Variants in PRPSAP2 observed in about 807,000 individuals in gnomAD.
PRPSAP2 encodes the protein phosphoribosyl pyrophosphate synthase-associated protein 2.
Under a neutral mutation model 40.6 loss-of-function variants are expected in PRPSAP2, and 24 were observed. That is an observed-to-expected ratio of 0.59 (90% CI 0.43 to 0.83). The LOEUF is 0.83. PRPSAP2 is among the 40% of genes least tolerant of loss of function. PRPSAP2 has a pLI of 0.00. For synonymous variants in PRPSAP2, 149 were observed against 164.7 expected, an observed-to-expected ratio of 0.90 and a Z score of 0.73; for missense variants, 292 against 465.6, an observed-to-expected ratio of 0.63 and a Z score of 3.43.
At chr17:18,873,585 G>A (rs751025930) in intron 5 of PRPSAP2, among the ~76,000 whole-genome samples, 7 of 152,152 alleles carry the variant, frequency 4.6e-5, no homozygotes, top group Non-Finnish European at 7.3e-5. Flanking sequence ...AAACTTGCAA[G>A]GAAGCATTTC....
At chr17:18,925,658 G>GA (rs1319178597) in intron 10 of PRPSAP2, among the ~76,000 whole-genome samples, 1 of 152,198 alleles carries the variant, frequency 6.6e-6, no homozygotes, top group African/African-American at 2.4e-5. Flanking sequence ...AGGTGCCTGG[G>GA]AGTGGGGTTG....
At chr17:18,885,193 G>C (rs2151914062) in intron 7 of PRPSAP2, among the ~76,000 whole-genome samples, 1 of 152,050 alleles carries the variant, frequency 6.6e-6, no homozygotes, top group East Asian at 1.9e-4. Flanking sequence ...TTGAGTCCAG[G>C]AGTTTAAGAC....
At chr17:18,908,824 G>A (rs1048852108) in intron 8 of PRPSAP2, 4 of 714,330 alleles carry the variant, frequency 5.6e-6, no homozygotes, top group Admixed American at 2.0e-5. Context: ...AGCTCTTTTG[G>A]TGGAGGAGGA....
At position 18,865,923 on chromosome 17, in the gene PRPSAP2, A is replaced by G; in HGVS notation, c.90A>G (p.Ser30=). The G allele has an allele frequency of 6.5e-7, 1 of 1,527,352 alleles. No individual in the cohort carries two copies. The highest frequency in any genetic ancestry group is 8.9e-7 in the Non-Finnish European group (1 of 1,126,132). 94.6% of individuals were successfully genotyped at this position (1,527,352 alleles called of 1,614,324 possible). A position where few individuals can be genotyped will look rare whatever the true frequency, so the allele number is the denominator to read the frequency against. ...LVLFSANSNS[S]CMELSKKIAE... ...TGTTTTCAGCAAACTCGAATTCATC[A>G]TGTATGGAGCTATCAAAGAAAATTG... is the stretch of plus-strand genomic sequence containing the variant. The change falls in exon 3 of 12, where the codon TCA becomes TCG. Residue 30 remains serine (S), a synonymous_variant. Coordinates refer to ENST00000268835, the MANE Select transcript of PRPSAP2 (RefSeq NM_002767.4).
At chr17:18,899,207 C>G (rs1375031471) in intron 8 of PRPSAP2, among the ~76,000 whole-genome samples, 3 of 152,012 alleles carry the variant, frequency 2.0e-5, no homozygotes, top group Non-Finnish European at 4.4e-5. Flanking sequence ...CCCAGCTGAT[C>G]TTTTGTTACA....
At chr17:18,877,662 G>A in intron 5 of PRPSAP2, 36 bp from the exon 6 acceptor site, 1 of 1,566,336 alleles carries the variant, frequency 6.4e-7, no homozygotes, top group Non-Finnish European at 8.7e-7. Context: ...CTGTGTTGTA[G>A]ATCCCTTGAT....
At chr17:18,919,142 G>T (rs1484348097) in intron 9 of PRPSAP2, among the ~76,000 whole-genome samples, 1 of 152,120 alleles carries the variant, frequency 6.6e-6, no homozygotes, top group Middle Eastern at 3.2e-3. Context: ...AAGGTGGAAG[G>T]TTTGCTTGAG....
intron 6 of PRPSAP2, among the ~76,000 whole-genome samples, chr17:18,879,654 A>G (rs1220142939): frequency 2.6e-5 from 4 of 151,910 alleles, no homozygotes; most frequent in Non-Finnish European, 5.9e-5. Context: ...AGGTTTCACC[A>G]TGTTGGCCAT....
In PRPSAP2 at chr17:18,905,714, G is replaced by A. The variant is rs1412215469; in HGVS notation, c.585-5389G>A. 2.0e-5 allele frequency among the ~76,000 whole-genome samples: 3 copies of A among 151,970 alleles called. No individual in the cohort carries two copies. In the East Asian group the frequency reaches 5.8e-4, roughly 29 times the overall value. On this transcript the variant is annotated intron_variant, in intron 8 of 11. Transcript: ENST00000268835. ...CCCACCTCAGCCTCCCAAGTAGCTG[G>A]GGATTACAGGCATGTGCCACCACAC...
chr17:18,890,983 G>C (rs1163152887), intron 8 of PRPSAP2, among the ~76,000 whole-genome samples: 1 of 152,184 alleles, frequency 6.6e-6, no homozygotes, highest in Non-Finnish European at 1.5e-5. Context: ...TGTCGGTTGA[G>C]AGGATTTCTT....
intron 10 of PRPSAP2, among the ~76,000 whole-genome samples, chr17:18,926,983 C>T (rs1303468612): frequency 1.3e-5 from 2 of 152,164 alleles, no homozygotes; most frequent in Non-Finnish European, 2.9e-5. Flanking sequence ...TGCTGTAACA[C>T]CTGAGACTAG....
At chr17:18,873,621 A>G (rs1297161860) in intron 5 of PRPSAP2, among the ~76,000 whole-genome samples, 2 of 152,224 alleles carry the variant, frequency 1.3e-5, no homozygotes, top group African/African-American at 4.8e-5. Flanking sequence ...CCCAAAAGAA[A>G]CAGAGGCTAG....
chr17:18,918,733 T>G (rs892242417), intron 9 of PRPSAP2, among the ~76,000 whole-genome samples: 2 of 152,044 alleles, frequency 1.3e-5, no homozygotes, highest in Non-Finnish European at 2.9e-5. Context: ...TGCTGTCCAG[T>G]CGGGTGGCCA....
At chr17:18,899,127 C>T (rs1196770550) in intron 8 of PRPSAP2, among the ~76,000 whole-genome samples, 1 of 152,180 alleles carries the variant, frequency 6.6e-6, no homozygotes, top group Non-Finnish European at 1.5e-5. Flanking sequence ...TGGTCTTGAA[C>T]TTCCGACCTC....
At chr17:18,917,214 T>C (rs925539422) in intron 9 of PRPSAP2, among the ~76,000 whole-genome samples, 2 of 151,876 alleles carry the variant, frequency 1.3e-5, no homozygotes, top group African/African-American at 4.8e-5. Flanking sequence ...TGGACTAAAC[T>C]GGCAAAAGAC....
intron 7 of PRPSAP2, among the ~76,000 whole-genome samples, chr17:18,885,369 C>T (rs538980579): frequency 1.1e-4 from 13 of 120,858 alleles, no homozygotes; most frequent in African/African-American, 2.0e-4. Context: ...TGCATCAAGC[C>T]GTGATCTGGG....
chr17:18,867,272 T>C lies in PRPSAP2; in HGVS notation c.120-10T>C. ...ACTTTTTCAGCTTTTTCCCCCTTTC[T>C]CTTCTCTAGGCGGCTAGGGGTGGAG... On this transcript the variant is annotated splice_polypyrimidine_tract_variant and intron_variant, in intron 3 of 11. Coordinates refer to ENST00000268835, the MANE Select transcript of PRPSAP2 (RefSeq NM_002767.4). The C allele has an allele frequency of 1.2e-6, 2 of 1,614,026 alleles. No individual in the cohort carries two copies. The highest frequency in any genetic ancestry group is 1.7e-6 in the Non-Finnish European group (2 of 1,179,918).
intron 11 of PRPSAP2, among the ~76,000 whole-genome samples, chr17:18,930,208 T>C (rs2042188327): frequency 6.6e-6 from 1 of 152,022 alleles, no homozygotes; most frequent in East Asian, 1.9e-4. Flanking sequence ...CCGTCTCTAC[T>C]AAAAATACAA....
At chr17:18,922,282 C>A (rs921087711) in intron 9 of PRPSAP2, among the ~76,000 whole-genome samples, 8 of 152,172 alleles carry the variant, frequency 5.3e-5, no homozygotes, top group African/African-American at 1.9e-4. Context: ...ATAGATGATT[C>A]ATTTCTCATG....
Sources: allele counts gnomAD v4.1 joint callset (sites outside exome capture counted in the v4.1 genomes callset), GRCh38; gene constraint gnomAD v4.1.1; transcripts MANE v1.5; gene names NCBI Gene and HGNC (gene_info 2026-07-23, HGNC 2026-07-21).